AGAP2: variants seen among roughly 807,000 people sequenced by gnomAD.
The protein encoded by AGAP2 is arf-GAP with GTPase, ANK repeat and PH domain-containing protein 2.
Under a neutral mutation model 110.9 loss-of-function variants are expected in AGAP2, and 32 were observed. The ratio of observed to expected loss-of-function variants is 0.29; its 90% CI spans 0.22 to 0.39. The LOEUF (loss-of-function observed/expected upper bound fraction) is 0.39. Ranked by LOEUF, AGAP2 falls within the 10% of genes least tolerant of loss-of-function variation. AGAP2 has a pLI of 1.00. For missense variants in AGAP2, 1,285 were observed against 1,638.5 expected (o/e 0.78, Z 3.72); for synonymous variants, 702 against 713.0 (o/e 0.98, Z 0.25).
rs1954762481 is a variant in AGAP2 at position 57,726,399 on chromosome 12, AGGCGTGGG to A, written c.*145_*152del. ...GGGAGGTGAGTTTGTGTCTTCTGGAAGGCGTGGGGGCTGTGCCCTCGTGGGGGTAGGAA... is the reference window on the plus strand; with the variant it reads ...GGGAGGTGAGTTTGTGTCTTCTGGAAGGCTGTGCCCTCGTGGGGGTAGGAA... On this transcript the variant is annotated 3_prime_UTR_variant, in exon 19 of 19. Transcript: ENST00000547588. This position sits in a 1 kb window ranked among gnomAD's most constrained non-coding sequence, Gnocchi z 5.7. The A allele has an allele frequency of 1.4e-6, 1 of 697,334 alleles. No individual in the cohort carries two copies. Among genetic ancestry groups the A allele is most frequent in the African/African-American group, 1.9e-5 (1 of 52,130 alleles). The allele number at this position is 697,334 out of a possible 1,614,324, so 43.2% of individuals were successfully genotyped here. A position where few individuals can be genotyped will look rare whatever the true frequency, so the allele number is the denominator to read the frequency against.
At chr12:57,732,659 C>T (rs1954908719) in intron 6 of AGAP2, 147 bp from the exon 7 acceptor site, 1 of 1,327,374 alleles carries the variant, frequency 7.5e-7, no homozygotes. Context: ...GCCTTGCCAG[C>T]TCCTCCAGCC....
In AGAP2 at chr12:57,730,962, G is replaced by A. The variant is rs1284195726; in HGVS notation, c.2146-9C>T. On this transcript the variant is annotated splice_polypyrimidine_tract_variant and intron_variant, in intron 10 of 18. Coordinates refer to ENST00000547588, the MANE Select transcript of AGAP2 (RefSeq NM_001122772.3). ...GTACTGTGGATGTAATCCTGGAGGG[G>A]TACAGGGCCGAGAGTGTAGGGAAGG... 3 of 1,518,268 alleles carry A rather than the reference G, an allele frequency of 2.0e-6. No individual in the cohort carries two copies. In the South Asian group the frequency reaches 3.8e-5, roughly 19 times the overall value. 94.0% of individuals were successfully genotyped at this position (1,518,268 alleles called of 1,614,324 possible).
chr12:57,735,279 G>A (rs1352235439), intron 2 of AGAP2, 90 bp downstream of exon 2: 2 of 1,210,878 alleles, frequency 1.7e-6, no homozygotes, highest in African/African-American at 1.5e-5. Context: ...AAGAGAGAGA[G>A]AGAGAGAAGG....
In AGAP2 at chr12:57,728,096, G is replaced by A; in HGVS notation, c.2618-11C>T. Reference sequence around the variant, plus strand: ...ACTCAAAGTTTTCCTCTGAGTGGGGGATGGGATGGGGTCATTAAGGGACAG... The same window carrying A: ...ACTCAAAGTTTTCCTCTGAGTGGGGAATGGGATGGGGTCATTAAGGGACAG... On this transcript the variant is annotated splice_polypyrimidine_tract_variant and intron_variant, in intron 14 of 18. Coordinates refer to ENST00000547588, the MANE Select transcript of AGAP2 (RefSeq NM_001122772.3). The A allele has an allele frequency of 6.3e-7, 1 of 1,583,692 alleles. No individual in the cohort carries two copies. The highest frequency in any genetic ancestry group is 2.2e-5 in the East Asian group (1 of 44,762).
chr12:57,738,343 C>CCCCCGGA lies in AGAP2; in HGVS notation c.-104_-98dup. 7.8e-7 allele frequency: 1 copy of CCCCCGGA among 1,288,974 alleles called. No individual in the cohort carries two copies. Among genetic ancestry groups the CCCCCGGA allele is most frequent in the Non-Finnish European group, 9.8e-7 (1 of 1,017,580 alleles). 79.8% of individuals were successfully genotyped at this position (1,288,974 alleles called of 1,614,324 possible). On this transcript the variant is annotated 5_prime_UTR_variant, in exon 1 of 19. Transcript: ENST00000547588. The surrounding 1 kb of genome is among the most constrained non-coding windows in gnomAD (Gnocchi z 6.7). ...GGGCCGCCCTGCTCGCTGCCCCCAG[C>CCCCCGGA]CCCCGGACCCCGCTGAGCCCCCGGC...
In AGAP2 at chr12:57,728,063, G is replaced by A. The variant is rs752551386; in HGVS notation, c.2640C>T (p.Ile880=). ...GCCACGTCTGACCCGTGCTGGACAC[G>A]ATCAGGAACTCAAAGTTTTCCTCTG... ...YKAEENFEFL[I]VSSTGQTWHF... Residue 880 remains isoleucine (I), a synonymous_variant, in exon 15 of 19, where the codon ATC becomes ATT. Transcript: ENST00000547588. 1.2e-6 allele frequency: 2 copies of A among 1,601,972 alleles called. No homozygotes were observed. The highest frequency in any genetic ancestry group is 1.1e-5 in the South Asian group (1 of 89,108).
intron 1 of AGAP2, among the ~76,000 whole-genome samples, chr12:57,736,714 C>G (rs1954989018): frequency 6.6e-6 from 1 of 152,234 alleles, no homozygotes; most frequent in South Asian, 2.1e-4. Context: ...TCACCTTCAA[C>G]GTCGCTCTAA....
In AGAP2 at chr12:57,737,587, C is replaced by T. The variant is rs1444129761; in HGVS notation, c.660G>A (p.Arg220=). ...CGGCGCTGCTCTTTGACCCCTTGAC[C>T]CTGGGCTTGCCCTCGCTTTCGGGCC... ...LSWPESEGKP[R]VKGSKSSAGT... The change falls in exon 1 of 19, where the codon AGG becomes AGA. Residue 220 remains arginine, a synonymous_variant. Transcript: ENST00000547588. The surrounding 1 kb of genome is among the most constrained non-coding windows in gnomAD (Gnocchi z 5.9). The T allele has an allele frequency of 6.5e-7, 1 of 1,548,314 alleles. No homozygotes were observed. The highest frequency in any genetic ancestry group is 8.7e-7 in the Non-Finnish European group (1 of 1,146,932).
chr12:57,740,134 C>G (rs1459371034), upstream of AGAP2, among the ~76,000 whole-genome samples: 2 of 152,074 alleles, frequency 1.3e-5, no homozygotes, highest in African/African-American at 4.8e-5. Context: ...CCTCCTGACG[C>G]AGCTGAGACT....
intron 3 of AGAP2, 47 bp downstream of exon 3, chr12:57,734,545 G>A (rs752650565): frequency 2.5e-6 from 4 of 1,604,188 alleles, no homozygotes; most frequent in Middle Eastern, 3.3e-4. Flanking sequence ...CTCACTCCTG[G>A]ATCCCTGACC....
intron 13 of AGAP2, among the ~76,000 whole-genome samples, chr12:57,729,036 C>A (rs1407144144): frequency 6.6e-6 from 1 of 151,786 alleles, no homozygotes; most frequent in Non-Finnish European, 1.5e-5. Context: ...ATTAGCCGGG[C>A]ATGGTGGCAA....
Position 57,734,301 on chromosome 12 carries a change from C to G in AGAP2, c.1401+18G>C. 1.9e-6 allele frequency: 3 copies of G among 1,614,148 alleles called. No homozygotes were observed. In the Admixed American group the frequency reaches 5.0e-5, roughly 27 times the overall value. On this transcript the variant is annotated intron_variant, in intron 4 of 18. Transcript: ENST00000547588. ...TGCTGACCCCAGCCAGCCTGTCCCC[C>G]ACCACCTCCACCCTCACCTTGGCAT...
In AGAP2 at chr12:57,737,819, G is replaced by C. The variant is rs1425568787; in HGVS notation, c.428C>G (p.Pro143Arg). 4.7e-6 allele frequency: 7 copies of C among 1,501,752 alleles called. No individual in the cohort carries two copies. Among genetic ancestry groups the C allele is most frequent in the Non-Finnish European group, 6.2e-6 (7 of 1,135,166 alleles). The allele number at this position is 1,501,752 out of a possible 1,614,324, so 93.0% of individuals were successfully genotyped here. ...PGGAPTSSRRPLLSSPSWGGP... is the reference protein window; with the variant it reads ...PGGAPTSSRRRLLSSPSWGGP... ...GCCCCAGCTCGGGCTGCTGAGCAGG[G>C]GGCGCCGGGAGGAGGTGGGGGCGCC... Residue 143 changes from proline (P) to arginine (R), a missense_variant, in exon 1 of 19, where the codon CCC becomes CGC. Coordinates refer to ENST00000547588, the MANE Select transcript of AGAP2 (RefSeq NM_001122772.3). This position sits in a 1 kb window ranked among gnomAD's most constrained non-coding sequence, Gnocchi z 5.9.
At position 57,734,699 on chromosome 12, in the gene AGAP2, G is replaced by A; in HGVS notation, c.1228-20C>T. 1 of 1,612,876 alleles carries A rather than the reference G, an allele frequency of 6.2e-7. No homozygotes were observed. The highest frequency in any genetic ancestry group is 8.5e-7 in the Non-Finnish European group (1 of 1,178,950). On this transcript the variant is annotated intron_variant, in intron 2 of 18. Transcript: ENST00000547588. ...CACACCCTGAGGGCAAGGTTGTGGA[G>A]CAGAAATTGTGGGATATAAGAGAAG...
intron 3 of AGAP2, 74 bp downstream of exon 3, chr12:57,734,518 C>T: frequency 4.4e-6 from 7 of 1,591,724 alleles, no homozygotes; most frequent in Non-Finnish European, 6.0e-6. Flanking sequence ...GGTCTCCACA[C>T]CTGCCTAATC....
Position 57,732,898 on chromosome 12 carries a change from T to C in AGAP2, c.1631A>G (p.Tyr544Cys). Residue 544 changes from tyrosine (Y) to cysteine (C), a missense_variant, in exon 6 of 19, where the codon TAC becomes TGC. Tyr to Cys is a radical substitution (Grantham distance 194, BLOSUM62 -2). Around this residue, in one of 7 missense-constraint regions of AGAP2, gnomAD observed 844 missense variants for 941.2 expected, o/e 0.90. Transcript: ENST00000547588. The part of the protein sequence containing the change: ...ALCADMKRCS[Y>C]YETCATYGLN... ...CCCATAGGTTGCACAAGTCTCATAG[T>C]AGCTGCAGCGTTTCATGTCCGCGCA... 6.2e-7 allele frequency: 1 copy of C among 1,614,074 alleles called. No individual in the cohort carries two copies. Among genetic ancestry groups the C allele is most frequent in the Non-Finnish European group, 8.5e-7 (1 of 1,180,020 alleles).
Position 57,732,859 on chromosome 12 carries a change from C to T in AGAP2, c.1670G>A (p.Arg557Gln), listed in dbSNP as rs767637438. The T allele has an allele frequency of 6.8e-5, 110 of 1,613,870 alleles. No homozygotes were observed. Among genetic ancestry groups the T allele is most frequent in the Non-Finnish European group, 8.7e-5 (103 of 1,180,040 alleles). ...TCATYGLNVD[R>Q]VFQEVAQKVV... ...ACTACACTCACCCTCCTGGAAGACC[C>T]GATCCACATTGAGCCCATAGGTTGC... is the stretch of plus-strand genomic sequence containing the variant. The change falls in exon 6 of 19, where the codon CGG becomes CAG. Residue 557 changes from arginine to glutamine, a missense_variant. Arg to Gln is a conservative substitution (Grantham distance 43, BLOSUM62 1). Around this residue, in one of 7 missense-constraint regions of AGAP2, gnomAD observed 844 missense variants for 941.2 expected, o/e 0.90. Transcript: ENST00000547588.
rs748011850 is a variant in AGAP2 at position 57,732,481 on chromosome 12, C to T, written c.1716G>A (p.Gln572=). The T allele has an allele frequency of 1.3e-5, 20 of 1,593,544 alleles. No homozygotes were observed. In the East Asian group the frequency reaches 4.1e-4, roughly 33 times the overall value. Residue 572 remains glutamine, a synonymous_variant, in exon 7 of 19, where the codon CAG becomes CAA. Coordinates refer to ENST00000547588, the MANE Select transcript of AGAP2 (RefSeq NM_001122772.3). ...ACTTGCAGGCAGCCAGAAGCTGTTG[C>T]TGCTTGCGCAAGGTCACCACCTTCT... is the stretch of plus-strand genomic sequence containing the variant. ...VAQKVVTLRK[Q]QQLLAACKSL...
chr12:57,741,087 A>G (rs1955071308), upstream of AGAP2, among the ~76,000 whole-genome samples: 2 of 152,196 alleles, frequency 1.3e-5, no homozygotes, highest in Non-Finnish European at 2.9e-5. Context: ...ATGGAATGAC[A>G]GCGAGCTGGA....
Sources: allele counts gnomAD v4.1 joint callset (sites outside exome capture counted in the v4.1 genomes callset), GRCh38; gene constraint gnomAD v4.1.1; regional missense constraint gnomAD v4.1.1; non-coding constraint Gnocchi (gnomAD v3.1); transcripts MANE v1.5; gene names NCBI Gene and HGNC (gene_info 2026-07-23, HGNC 2026-07-21).